The following ING5 variants were observed in gnomAD, a reference collection of about 807,000 sequenced individuals.
The protein encoded by ING5 is inhibitor of growth family member 5.
Under a neutral mutation model 37.4 loss-of-function variants are expected in ING5, and 17 were observed. That is an observed-to-expected ratio of 0.45 (90% CI 0.31 to 0.68). ING5 has a LOEUF of 0.68. Among genes scored for constraint, ING5 ranks in the 30% least tolerant of loss-of-function variants. The pLI, the probability that ING5 is intolerant of heterozygous loss-of-function variation, is 0.05. For missense variants in ING5, 233 were observed against 311.9 expected (o/e 0.75, Z 1.91); for synonymous variants, 123 against 116.6 (o/e 1.06, Z -0.36).
intron 5 of ING5, among the ~76,000 whole-genome samples, chr2:241,716,255 T>C (rs1385578690): frequency 3.3e-5 from 5 of 151,512 alleles, no homozygotes; most frequent in East Asian, 3.9e-4. Flanking sequence ...TCCGTTTTTT[T>C]CCCCACTCTT....
At position 241,702,073 on chromosome 2, in the gene ING5, C is replaced by T. The variant is rs946862250; in HGVS notation, c.8C>T (p.Thr3Ile). 3 of 1,390,702 alleles carry T rather than the reference C, an allele frequency of 2.2e-6. No homozygotes were observed. The highest frequency in any genetic ancestry group is 2.8e-6 in the Non-Finnish European group (3 of 1,067,264). The allele number at this position is 1,390,702 out of a possible 1,614,324, so 86.1% of individuals were successfully genotyped here. Reference sequence around the variant, plus strand: ...GCGCGGCCGCGGACGAAGATGGCGACCGCCATGTACTTGGAGCACTATCTG... The same window carrying T: ...GCGCGGCCGCGGACGAAGATGGCGATCGCCATGTACTTGGAGCACTATCTG... MA[T>I]AMYLEHYLDS... Residue 3 changes from threonine (T) to isoleucine (I), a missense_variant, in exon 1 of 8, where the codon ACC becomes ATC. Transcript: ENST00000313552.
intron 2 of ING5, chr2:241,690,674 G>A (rs979461914): frequency 2.5e-6 from 1 of 398,542 alleles, no homozygotes; most frequent in African/African-American, 2.1e-5. Flanking sequence ...CCACTTTATA[G>A]GGGAAATGGT....
chr2:241,712,158 G>T, intron 5 of ING5, 87 bp downstream of exon 5: 1 of 1,065,370 alleles, frequency 9.4e-7, no homozygotes, highest in South Asian at 1.5e-5. Flanking sequence ...AAGCTGACCC[G>T]AGTGAAGTGC....
chr2:241,722,431 C>T (rs759349240), intron 5 of ING5: 26 of 985,260 alleles, frequency 2.6e-5, no homozygotes, highest in Non-Finnish European at 3.1e-5. Flanking sequence ...CTGCGCTTCA[C>T]GGCCTCCTGG....
At chr2:241,721,517 G>A in intron 5 of ING5, 1 of 985,448 alleles carries the variant, frequency 1.0e-6, no homozygotes, top group Non-Finnish European at 1.2e-6. Context: ...CAATTGCAAA[G>A]GCGTAGAAAA....
chr2:241,704,334 G>A (rs575875961), intron 1 of ING5, among the ~76,000 whole-genome samples: 1 of 152,144 alleles, frequency 6.6e-6, no homozygotes, highest in Admixed American at 6.6e-5. Context: ...TTGAGAGGCC[G>A]AGGTGGGCGG....
chr2:241,706,625 CA>C (rs770869002), intron 2 of ING5, among the ~76,000 whole-genome samples: 31,734 of 108,918 alleles, frequency 0.29, 3,875 homozygotes, highest in East Asian at 0.45. Flanking sequence ...AACTCCATCT[CA>C]AAAAAAAAAA....
chr2:241,700,150 GTTTTTTTTTTTTT>G (rs780209565), upstream of ING5, among the ~76,000 whole-genome samples: 36 of 73,314 alleles, frequency 4.9e-4, no homozygotes, highest in African/African-American at 1.8e-3. Context: ...GCCCGGCTAA[GTTTTTTTTTTTTT>G]TTTTTTTTTT....
At chr2:241,698,685 T>A (rs1321175318), upstream of ING5, among the ~76,000 whole-genome samples, 1 of 152,144 alleles carries the variant, frequency 6.6e-6, no homozygotes, top group East Asian at 1.9e-4. Context: ...GCAATCACAG[T>A]CCTGCCCCCT....
upstream of ING5, among the ~76,000 whole-genome samples, chr2:241,699,783 A>C (rs1342683524): frequency 6.6e-6 from 1 of 151,614 alleles, no homozygotes; most frequent in Non-Finnish European, 1.5e-5. Flanking sequence ...GATCACAGGG[A>C]GTGGAGACAG....
chr2:241,688,496 A>G (rs2069489367), intron 1 of ING5, among the ~76,000 whole-genome samples: 2 of 152,226 alleles, frequency 1.3e-5, no homozygotes, highest in Admixed American at 1.3e-4. Flanking sequence ...TTATATTATC[A>G]TTGCATACCT....
At chr2:241,718,419 CTT>C (rs1256765166) in intron 5 of ING5, among the ~76,000 whole-genome samples, 2 of 85,818 alleles carry the variant, frequency 2.3e-5, no homozygotes, top group East Asian at 4.0e-4. Context: ...CTCTTTCTGT[CTT>C]TTTTTTTTTT....
intron 3 of ING5, among the ~76,000 whole-genome samples, chr2:241,710,185 C>T (rs2124909248): frequency 2.0e-5 from 3 of 152,280 alleles, no homozygotes; most frequent in Middle Eastern, 6.8e-3. Context: ...CGGCTCACTG[C>T]AACCTGTGCC....
At position 241,710,689 on chromosome 2, in the gene ING5, G is replaced by C. The variant is rs144513075; in HGVS notation, c.277-688G>C. 7.4e-3 allele frequency among the ~76,000 whole-genome samples: 1,132 copies of C among 152,260 alleles called. 11 individuals are homozygous for C. The highest frequency in any genetic ancestry group is 0.024 in the African/African-American group (995 of 41,560). On this transcript the variant is annotated intron_variant, in intron 3 of 7. Transcript: ENST00000313552. ...GGTAGAGATGGGGTTGCTCCATGTT[G>C]GTCAGGCTGGTCCTGAACTCCCGAC...
At chr2:241,706,956 ATTT>A (rs35471600) in intron 2 of ING5, among the ~76,000 whole-genome samples, 2 of 120,752 alleles carry the variant, frequency 1.7e-5, no homozygotes, top group Non-Finnish European at 1.7e-5. Context: ...TGGTGTGGCA[ATTT>A]TTTTTTTTTT....
intron 2 of ING5, among the ~76,000 whole-genome samples, chr2:241,706,126 C>T (rs946639600): frequency 2.0e-5 from 3 of 152,122 alleles, no homozygotes; most frequent in Non-Finnish European, 2.9e-5. Flanking sequence ...TTTCTTTCCG[C>T]AGAGCCCTCT....
At chr2:241,701,433 G>A (rs1215240686), upstream of ING5, among the ~76,000 whole-genome samples, 15 of 152,250 alleles carry the variant, frequency 9.9e-5, no homozygotes. Flanking sequence ...GCTGGGCGGG[G>A]CGGCCGCTTT....
chr2:241,692,295 AT>A lies in ING5; in HGVS notation c.43+1652del, dbSNP rs564724566. Among the ~76,000 whole-genome samples the A allele has an allele frequency of 1.3e-4, 20 of 149,372 alleles. 1 individual carries two copies. Among genetic ancestry groups the A allele is most frequent in the South Asian group, 8.5e-4 (4 of 4,716 alleles). ...TGAAACCTTAACTTTTCCCTTTGAGATTTTTTTTTTATTTTAATTTTTTTTT... is the reference window on the plus strand; with the variant it reads ...TGAAACCTTAACTTTTCCCTTTGAGATTTTTTTTTATTTTAATTTTTTTTT... On this transcript the variant is annotated intron_variant, in intron 2 of 7. Transcript: ENST00000636051.
chr2:241,724,439 G>A (rs192800484), intron 7 of ING5, among the ~76,000 whole-genome samples: 41 of 152,226 alleles, frequency 2.7e-4, no homozygotes, highest in African/African-American at 8.4e-4. Flanking sequence ...GCCGTCATGC[G>A]AGTCGGCTGC....
Sources: gnomAD v4.1 joint callset for allele counts (sites outside exome capture counted in the v4.1 genomes callset) on GRCh38, gnomAD v4.1.1 for gene constraint, MANE v1.5 for transcripts, NCBI Gene and HGNC (gene_info 2026-07-23, HGNC 2026-07-21) for gene names.